Variants in ABI3BP observed in about 807,000 individuals in gnomAD.
ABI3BP encodes target of Nesh-SH3.
In ABI3BP, 216 loss-of-function variants were observed where a neutral mutation model predicts 268.6. The ratio of observed to expected loss-of-function variants is 0.80; its 90% CI spans 0.72 to 0.90. ABI3BP has a LOEUF of 0.90. ABI3BP is among the 40% of genes least tolerant of loss of function. The pLI is 0.00. For synonymous variants in ABI3BP, 730 were observed against 730.0 expected (o/e 1.00, Z 0.00); for missense variants, 2,090 against 2,182.4 (o/e 0.96, Z 0.84).
Position 100,967,540 on chromosome 3 carries a change from A to G in ABI3BP, c.79+25766T>C, listed in dbSNP as rs916176505. Among the ~76,000 whole-genome samples the G allele has an allele frequency of 3.2e-4, 48 of 151,620 alleles. 1 individual carries two copies. Among genetic ancestry groups the G allele is most frequent in the Admixed American group, 2.5e-3 (38 of 15,214 alleles). On this transcript the variant is annotated intron_variant, in intron 1 of 67. Coordinates refer to ENST00000471714, the MANE Select transcript of ABI3BP (RefSeq NM_001375547.2). The stretch of plus-strand genomic sequence containing the variant: ...AAAAAAGAAATATTATTAGAGATTG[A>G]TGATGCTTCAGACATGTCGGGCCTC...
chr3:100,851,965 CAA>C lies in ABI3BP; in HGVS notation c.1286-27_1286-26del, dbSNP rs767278969. 140 of 1,348,948 alleles carry C rather than the reference CAA, an allele frequency of 1.0e-4. No individual in the cohort carries two copies. The African/African-American group carries it at 1.9e-3, about 19-fold the overall frequency. 83.6% of individuals were successfully genotyped at this position (1,348,948 alleles called of 1,614,324 possible). Reference sequence around the variant, plus strand: ...GCTTAAAAAAAAAAAAAAGGCAAAACAAGAGAGATGTTAATTTTGGTTAAATT... The same window carrying C: ...GCTTAAAAAAAAAAAAAAGGCAAAACGAGAGATGTTAATTTTGGTTAAATT... On this transcript the variant is annotated intron_variant, in intron 14 of 67. Coordinates refer to ENST00000471714, the MANE Select transcript of ABI3BP (RefSeq NM_001375547.2).
At chr3:100,934,713 T>G (rs2065253769) in intron 1 of ABI3BP, among the ~76,000 whole-genome samples, 2 of 148,984 alleles carry the variant, frequency 1.3e-5, no homozygotes, top group African/African-American at 5.0e-5. Context: ...TGGTTTTGAT[T>G]TGCATTTCTC....
At chr3:100,768,075 T>C (rs1026473964) in intron 62 of ABI3BP, among the ~76,000 whole-genome samples, 1 of 148,276 alleles carries the variant, frequency 6.7e-6, no homozygotes, top group Admixed American at 6.8e-5. Context: ...GATTTCCATT[T>C]GGCTCAAGTT....
chr3:100,893,094 A>T (rs2045536307), intron 4 of ABI3BP, among the ~76,000 whole-genome samples: 1 of 152,180 alleles, frequency 6.6e-6, no homozygotes, highest in Non-Finnish European at 1.5e-5. Context: ...AAGAAGTTGG[A>T]AGGACTAGAC....
At chr3:100,828,804 C>G (rs2098435326) in intron 33 of ABI3BP, among the ~76,000 whole-genome samples, 1 of 152,074 alleles carries the variant, frequency 6.6e-6, no homozygotes, top group Non-Finnish European at 1.5e-5. Flanking sequence ...GAGCTTTGTC[C>G]AACGTGAGTA....
chr3:100,862,992 A>G, intron 12 of ABI3BP, 83 bp from the exon 13 acceptor site: 1 of 1,011,688 alleles, frequency 9.9e-7, no homozygotes, highest in South Asian at 1.5e-5. Context: ...TTGCAAAAAC[A>G]AAAGCAAACA....
chr3:100,837,054 C>A (rs2098604421), intron 27 of ABI3BP, 70 bp downstream of exon 27: 5 of 1,355,754 alleles, frequency 3.7e-6, no homozygotes, highest in South Asian at 2.7e-5. Context: ...CATATTATAG[C>A]TAATGAAAAA....
chr3:100,953,312 G>A (rs1441113071), intron 1 of ABI3BP, among the ~76,000 whole-genome samples: 1 of 152,050 alleles, frequency 6.6e-6, no homozygotes, highest in Non-Finnish European at 1.5e-5. Flanking sequence ...TGCCCCTGCT[G>A]GACAAAAACA....
At chr3:100,885,740 T>C (rs763213304) in intron 5 of ABI3BP, among the ~76,000 whole-genome samples, 152 bp from the exon 6 acceptor site, 2 of 152,034 alleles carry the variant, frequency 1.3e-5, no homozygotes, top group African/African-American at 4.8e-5. Context: ...CCAATGAAGT[T>C]TTAATGACGG....
At chr3:100,850,915 A>C (rs1169357650) in intron 15 of ABI3BP, among the ~76,000 whole-genome samples, 181 bp from the exon 16 acceptor site, 2 of 152,234 alleles carry the variant, frequency 1.3e-5, no homozygotes, top group African/African-American at 4.8e-5. Flanking sequence ...CACTTTAAAA[A>C]ACATACATAC....
In ABI3BP at chr3:100,842,055, G is replaced by A. The variant is rs2098712874; in HGVS notation, c.1724-16C>T. The A allele has an allele frequency of 6.5e-7, 1 of 1,531,206 alleles. No homozygotes were observed. The highest frequency in any genetic ancestry group is 8.8e-7 in the Non-Finnish European group (1 of 1,142,594). 94.9% of individuals were successfully genotyped at this position (1,531,206 alleles called of 1,614,324 possible). A position where few individuals can be genotyped will look rare whatever the true frequency, so the allele number is the denominator to read the frequency against. ...GGTTCTGGGGCTGTAATAAAAGCAA[G>A]TAATATCAAAAGCAATGCTGAAGAG... is the stretch of plus-strand genomic sequence containing the variant. On this transcript the variant is annotated splice_polypyrimidine_tract_variant and intron_variant, in intron 20 of 67. Transcript: ENST00000471714.
intron 12 of ABI3BP, chr3:100,863,554 A>G (rs927143865): frequency 1.2e-5 from 2 of 161,608 alleles, no homozygotes; most frequent in Non-Finnish European, 2.7e-5. Flanking sequence ...GACCTCAGGC[A>G]ATCCACCTGC....
intron 1 of ABI3BP, among the ~76,000 whole-genome samples, chr3:100,954,488 G>A (rs982249688): frequency 4.6e-5 from 7 of 152,044 alleles, no homozygotes; most frequent in Admixed American, 6.6e-5. Flanking sequence ...TAAAATAGCC[G>A]TTCTCTGGCA....
intron 51 of ABI3BP, among the ~76,000 whole-genome samples, chr3:100,799,992 G>C (rs745732660): frequency 6.6e-6 from 1 of 152,082 alleles, no homozygotes; most frequent in Non-Finnish European, 1.5e-5. Context: ...CCCTGTTTCA[G>C]TTAACGGCAT....
intron 26 of ABI3BP, among the ~76,000 whole-genome samples, chr3:100,837,967 A>AGGCCT (rs1166341477): frequency 6.6e-6 from 1 of 152,196 alleles, no homozygotes; most frequent in Non-Finnish European, 1.5e-5. Context: ...TTCAGAAAAT[A>AGGCCT]GGCCTAAAAA....
chr3:100,893,859 A>G (rs2045925674), intron 4 of ABI3BP, among the ~76,000 whole-genome samples: 1 of 152,194 alleles, frequency 6.6e-6, no homozygotes, highest in African/African-American at 2.4e-5. Flanking sequence ...GGCTTAGACG[A>G]CATGGGAAAG....
chr3:100,838,535 C>T (rs561460810), intron 24 of ABI3BP, 71 bp from the exon 25 acceptor site: 3 of 1,234,986 alleles, frequency 2.4e-6, no homozygotes, highest in East Asian at 5.1e-5. Context: ...GACAATTATG[C>T]AGAACAAAGA....
intron 3 of ABI3BP, among the ~76,000 whole-genome samples, chr3:100,899,890 G>A (rs1370510233): frequency 1.3e-5 from 2 of 152,326 alleles, no homozygotes; most frequent in East Asian, 3.9e-4. Context: ...TGGCAGAATG[G>A]CCTGCCACCT....
chr3:100,865,754 C>G (rs539441007), intron 10 of ABI3BP, among the ~76,000 whole-genome samples: 1 of 152,080 alleles, frequency 6.6e-6, no homozygotes, highest in Admixed American at 6.5e-5. Context: ...AGAAATGCTG[C>G]CAAGAGAAAA....
Sources: gnomAD v4.1 joint callset for allele counts (sites outside exome capture counted in the v4.1 genomes callset) on GRCh38, gnomAD v4.1.1 for gene constraint, MANE v1.5 for transcripts, NCBI Gene and HGNC (gene_info 2026-07-23, HGNC 2026-07-21) for gene names.